Variants in PTPRU observed in about 807,000 individuals in gnomAD.
PTPRU encodes the protein receptor-type tyrosine-protein phosphatase U.
In PTPRU, 69 loss-of-function variants were observed where a neutral mutation model predicts 166.3. The observed-to-expected ratio is 0.41, with a 90% CI of 0.34 to 0.51. The LOEUF is 0.51. Ranked by LOEUF, PTPRU falls within the 20% of genes least tolerant of loss-of-function variation. PTPRU has a pLI of 0.09. For missense variants in PTPRU, 1,657 were observed against 2,013.7 expected, an observed-to-expected ratio of 0.82 and a Z score of 3.39; for synonymous variants, 793 against 814.0, an observed-to-expected ratio of 0.97 and a Z score of 0.44.
At chr1:29,300,206 G>A (rs1687076246) in intron 15 of PTPRU, among the ~76,000 whole-genome samples, 1 of 152,176 alleles carries the variant, frequency 6.6e-6, no homozygotes, top group Non-Finnish European at 1.5e-5. Flanking sequence ...GAATTGATCT[G>A]AAGTCTTTCC....
chr1:29,242,780 G>C (rs1684114326), intron 1 of PTPRU, among the ~76,000 whole-genome samples: 1 of 152,180 alleles, frequency 6.6e-6, no homozygotes, highest in Non-Finnish European at 1.5e-5. Flanking sequence ...AGTGGCTCTT[G>C]ACAAAAGGTT....
rs1687839741 is a variant in PTPRU, at chr1:29,315,142, C to T, written c.3228-230C>T. 6.6e-6 allele frequency among the ~76,000 whole-genome samples: 1 copy of T among 152,194 alleles called. No homozygotes were observed. The highest frequency in any genetic ancestry group is 2.4e-5 in the African/African-American group (1 of 41,448). ...CACCTTTGCATTCTCCCCACCCTCTCTCCTCTCCTTCCCTGAGGCCCATCC... is the reference window on the plus strand; with the variant it reads ...CACCTTTGCATTCTCCCCACCCTCTTTCCTCTCCTTCCCTGAGGCCCATCC... On this transcript the variant is annotated intron_variant, in intron 22 of 29. Coordinates refer to ENST00000373779, the MANE Select transcript of PTPRU (RefSeq NM_133178.4). The surrounding 1 kb of genome is among the most constrained non-coding windows in gnomAD (Gnocchi z 4.5).
chr1:29,307,292 C>A, intron 18 of PTPRU: 1 of 1,145,490 alleles, frequency 8.7e-7, no homozygotes, highest in Non-Finnish European at 1.3e-6. Context: ...ACCAACCGTC[C>A]ATTTCAGCAG....
chr1:29,287,491 T>G (rs1686408873), intron 14 of PTPRU, among the ~76,000 whole-genome samples: 1 of 151,476 alleles, frequency 6.6e-6, no homozygotes, highest in Admixed American at 6.6e-5. Flanking sequence ...CACTCTGAGG[T>G]GTAGGGAGGA....
intron 16 of PTPRU, 95 bp from the exon 17 acceptor site, chr1:29,304,679 C>A: frequency 1.1e-6 from 1 of 922,732 alleles, no homozygotes; most frequent in Non-Finnish European, 1.6e-6. Context: ...CCTTATCATC[C>A]CACCCCCATC....
intron 24 of PTPRU, 28 bp downstream of exon 24, chr1:29,316,179 G>T: frequency 6.3e-7 from 1 of 1,596,318 alleles, no homozygotes. Flanking sequence ...GTGTATAGGT[G>T]TGTGTGTGTG....
At chr1:29,239,518 C>T (rs938535101) in intron 1 of PTPRU, among the ~76,000 whole-genome samples, 4 of 152,138 alleles carry the variant, frequency 2.6e-5, no homozygotes, top group African/African-American at 9.7e-5. Context: ...AGCTCCTGGA[C>T]AGCCTGCTGC....
intron 28 of PTPRU, 149 bp from the exon 29 acceptor site, chr1:29,325,042 C>G: frequency 1.8e-6 from 2 of 1,095,568 alleles, no homozygotes; most frequent in Non-Finnish European, 2.6e-6. Context: ...CTCCGCCCCT[C>G]ACCTCTGGGC....
chr1:29,303,816 A>T (rs750538610), intron 15 of PTPRU, 39 bp from the exon 16 acceptor site: 2 of 1,547,698 alleles, frequency 1.3e-6, no homozygotes, highest in Non-Finnish European at 1.8e-6. Context: ...AGGCTGGGGC[A>T]TGTGTGTCAA....
At chr1:29,264,566 C>T (rs527837495) in intron 7 of PTPRU, among the ~76,000 whole-genome samples, 16 of 151,358 alleles carry the variant, frequency 1.1e-4, no homozygotes, top group East Asian at 1.9e-4. Context: ...AGTGCAATGG[C>T]GCAATCTCGG....
Position 29,311,777 on chromosome 1 carries a change from C to G in PTPRU, c.3072+18C>G. On this transcript the variant is annotated intron_variant, in intron 21 of 29. Transcript: ENST00000373779. The surrounding 1 kb of genome is among the most constrained non-coding windows in gnomAD (Gnocchi z 4.1). The stretch of plus-strand genomic sequence containing the variant: ...TGGAGCGGGTGAGTCTCCCCACCGC[C>G]TGTTCCCTGCAGAGGGTGCCTGAGC... 1 of 1,605,838 alleles carries G rather than the reference C, an allele frequency of 6.2e-7. No individual in the cohort carries two copies. The highest frequency in any genetic ancestry group is 1.7e-4 in the Middle Eastern group (1 of 6,038).
At chr1:29,310,995 G>C (rs376688290) in intron 19 of PTPRU, among the ~76,000 whole-genome samples, 1 of 152,124 alleles carries the variant, frequency 6.6e-6, no homozygotes, top group African/African-American at 2.4e-5. Flanking sequence ...CTTTGTGTTT[G>C]TGTCTCCCTG....
Position 29,325,246 on chromosome 1 carries a change from A to T in PTPRU, c.4168A>T (p.Ile1390Phe). Residue 1390 changes from isoleucine (I) to phenylalanine (F), a missense_variant, in exon 29 of 30, where the codon ATC (isoleucine) becomes TTC (phenylalanine). Ile to Phe is a conservative substitution (Grantham distance 21, BLOSUM62 0). This residue lies in a region of PTPRU where 1,190 missense variants were observed against 1,477.4 expected (regional missense o/e 0.81). Transcript: ENST00000373779. ...FCACATVLEM[I>F]RCHNLVDVFF... ...CGCCTGCGCCACGGTCCTGGAGATG[A>T]TCCGCTGCCACAACTTGGTGGACGT... is the stretch of plus-strand genomic sequence containing the variant. The T allele has an allele frequency of 6.2e-7, 1 of 1,614,172 alleles. No individual in the cohort carries two copies. Among genetic ancestry groups the T allele is most frequent in the Admixed American group, 1.7e-5 (1 of 60,020 alleles).
At chr1:29,296,620 T>C (rs1574683499) in intron 15 of PTPRU, among the ~76,000 whole-genome samples, 1 of 151,262 alleles carries the variant, frequency 6.6e-6, no homozygotes, top group East Asian at 2.0e-4. Flanking sequence ...GTGATCCTCC[T>C]ACCTCAGCCT....
At position 29,311,788 on chromosome 1, in the gene PTPRU, A is replaced by T; in HGVS notation, c.3072+29A>T. On this transcript the variant is annotated intron_variant, in intron 21 of 29. Transcript: ENST00000373779. The surrounding 1 kb of genome is among the most constrained non-coding windows in gnomAD (Gnocchi z 4.1). ...AGTCTCCCCACCGCCTGTTCCCTGC[A>T]GAGGGTGCCTGAGCAGGGATTAGAG... is the stretch of plus-strand genomic sequence containing the variant. 1 of 1,594,460 alleles carries T rather than the reference A, an allele frequency of 6.3e-7. No individual in the cohort carries two copies. The highest frequency in any genetic ancestry group is 8.6e-7 in the Non-Finnish European group (1 of 1,164,186).
At position 29,306,920 on chromosome 1, in the gene PTPRU, A is replaced by G. The variant is rs534822060; in HGVS notation, c.2820+1492A>G. On this transcript the variant is annotated intron_variant, in intron 18 of 29. Transcript: ENST00000373779. ...AGCGGGCCTCTCCTTGGTCTTGCCA[A>G]GGTCCCAGTTGGCTCCTCTTGGGCC... is the stretch of plus-strand genomic sequence containing the variant. Among the ~76,000 whole-genome samples, 4 of 152,258 alleles carry G rather than the reference A, an allele frequency of 2.6e-5. No individual in the cohort carries two copies. The South Asian group carries it at 6.2e-4, about 24-fold the overall frequency.
chr1:29,259,443 C>G lies in PTPRU; in HGVS notation c.560-6C>G, dbSNP rs1379894478. ...CCCAGCTCACGATGCAGCTCTAACC[C>G]CGCAGCAAAGGCCCCACACTTCTCC... is the stretch of plus-strand genomic sequence containing the variant. On this transcript the variant is annotated splice_polypyrimidine_tract_variant and splice_region_variant and intron_variant, in intron 4 of 29. Coordinates refer to ENST00000373779, the MANE Select transcript of PTPRU (RefSeq NM_133178.4). 1 of 1,610,058 alleles carries G rather than the reference C, an allele frequency of 6.2e-7. No homozygotes were observed. Among genetic ancestry groups the G allele is most frequent in the Non-Finnish European group, 8.5e-7 (1 of 1,177,440 alleles).
intron 28 of PTPRU, 140 bp downstream of exon 28, chr1:29,323,928 A>T: frequency 8.9e-7 from 1 of 1,125,988 alleles, no homozygotes; most frequent in South Asian, 1.6e-5. Context: ...TGTGGCCAGG[A>T]TGCTGCCCAA....
chr1:29,317,696 G>A lies in PTPRU; in HGVS notation c.3514-52G>A, dbSNP rs766196886. 7.9e-6 allele frequency: 12 copies of A among 1,525,162 alleles called. No homozygotes were observed. Among genetic ancestry groups the A allele is most frequent in the Non-Finnish European group, 1.1e-5 (12 of 1,130,882 alleles). 94.5% of individuals were successfully genotyped at this position (1,525,162 alleles called of 1,614,324 possible). A position where few individuals can be genotyped will look rare whatever the true frequency, so the allele number is the denominator to read the frequency against. ...AGCCTCCTTCATGGGGATGTGAGGA[G>A]GCCCAGCAAGCCCTGGACGTAACTC... On this transcript the variant is annotated intron_variant, in intron 24 of 29. Coordinates refer to ENST00000373779, the MANE Select transcript of PTPRU (RefSeq NM_133178.4). This position sits in a 1 kb window ranked among gnomAD's most constrained non-coding sequence, Gnocchi z 5.6.
Sources: allele counts gnomAD v4.1 joint callset (sites outside exome capture counted in the v4.1 genomes callset), GRCh38; gene constraint gnomAD v4.1.1; regional missense constraint gnomAD v4.1.1; non-coding constraint Gnocchi (gnomAD v3.1); transcripts MANE v1.5; gene names NCBI Gene and HGNC (gene_info 2026-07-23, HGNC 2026-07-21).